The following ZFHX4 variants were observed in gnomAD, a reference collection of about 807,000 sequenced individuals.
ZFHX4 encodes the protein zinc finger homeobox protein 4.
Under a neutral mutation model 267.6 loss-of-function variants are expected in ZFHX4, and 56 were observed. The observed-to-expected ratio is 0.21, with a 90% CI of 0.17 to 0.26. The LOEUF (loss-of-function observed/expected upper bound fraction) is 0.26, where lower values mean the gene tolerates loss of function less well. ZFHX4 is among the 10% of genes least tolerant of loss of function. The pLI is 1.00. For missense variants in ZFHX4, 4,332 were observed against 4,420.0 expected (o/e 0.98, Z 0.56); for synonymous variants, 1,778 against 1,665.6 (o/e 1.07, Z -1.64).
intron 10 of ZFHX4, among the ~76,000 whole-genome samples, chr8:76,857,043 A>G (rs967798068): frequency 2.6e-5 from 4 of 152,118 alleles, no homozygotes; most frequent in Admixed American, 2.0e-4. Context: ...GGCATAACAA[A>G]TTTGTAAAGC....
At chr8:76,687,185 C>A (rs1807713403) in intron 1 of ZFHX4, among the ~76,000 whole-genome samples, 1 of 152,190 alleles carries the variant, frequency 6.6e-6, no homozygotes, top group Non-Finnish European at 1.5e-5. Flanking sequence ...AACTAGCTAT[C>A]TAATTTAACT....
At chr8:76,768,611 T>C (rs1810151795) in intron 3 of ZFHX4, among the ~76,000 whole-genome samples, 1 of 152,128 alleles carries the variant, frequency 6.6e-6, no homozygotes, top group Non-Finnish European at 1.5e-5. Flanking sequence ...TCAACAGTAA[T>C]GTGAAGGCAC....
chr8:76,724,822 A>C (rs17363588), intron 3 of ZFHX4, among the ~76,000 whole-genome samples: 3 of 152,094 alleles, frequency 2.0e-5, no homozygotes, highest in African/African-American at 7.2e-5. Context: ...AGGAGAGCCA[A>C]CTTCCACAGG....
intron 5 of ZFHX4, among the ~76,000 whole-genome samples, chr8:76,840,582 G>C (rs549196290): frequency 6.6e-6 from 1 of 152,158 alleles, no homozygotes; most frequent in African/African-American, 2.4e-5. Flanking sequence ...TTCTTCTCCT[G>C]ACACACAATG....
intron 4 of ZFHX4, among the ~76,000 whole-genome samples, chr8:76,818,080 G>A (rs1323616633): frequency 1.3e-5 from 2 of 152,128 alleles, no homozygotes; most frequent in African/African-American, 4.8e-5. Flanking sequence ...CATAAACCAG[G>A]TAAATTAGGA....
At chr8:76,792,657 G>T (rs1032868567) in intron 4 of ZFHX4, among the ~76,000 whole-genome samples, 3 of 152,142 alleles carry the variant, frequency 2.0e-5, no homozygotes, top group Non-Finnish European at 4.4e-5. Context: ...TCCAGGGAGT[G>T]CCTGATGCAG....
At chr8:76,831,574 A>G (rs1392358503) in intron 4 of ZFHX4, among the ~76,000 whole-genome samples, 1 of 152,196 alleles carries the variant, frequency 6.6e-6, no homozygotes, top group Non-Finnish European at 1.5e-5. Context: ...GTCTTAAGTG[A>G]CTGATGTCTT....
chr8:76,863,341 C>T lies in ZFHX4; in HGVS notation c.9627C>T (p.Ala3209=), dbSNP rs532058698. The part of the protein sequence containing the change: ...VKKIKEEELE[A]TKPEKHPKKE... The stretch of plus-strand genomic sequence containing the variant: ...AAATCAAAGAGGAGGAATTAGAGGC[C>T]ACCAAACCCGAAAAACACCCCAAAA... The change falls in exon 11 of 11, where the codon GCC becomes GCT. Residue 3209 remains alanine, a synonymous_variant. Coordinates refer to ENST00000651372, the MANE Select transcript of ZFHX4 (RefSeq NM_024721.5). 1 of 1,613,712 alleles carries T rather than the reference C, an allele frequency of 6.2e-7. No individual in the cohort carries two copies. The highest frequency in any genetic ancestry group is 1.3e-5 in the African/African-American group (1 of 74,990).
At chr8:76,784,445 G>A (rs541719632) in intron 4 of ZFHX4, among the ~76,000 whole-genome samples, 2 of 152,034 alleles carry the variant, frequency 1.3e-5, no homozygotes, top group African/African-American at 2.4e-5. Context: ...ATACAGAAAG[G>A]CAGTCATGTG....
intron 3 of ZFHX4, among the ~76,000 whole-genome samples, chr8:76,729,489 A>C (rs1013695743): frequency 3.9e-5 from 6 of 152,080 alleles, no homozygotes; most frequent in Non-Finnish European, 8.8e-5. Flanking sequence ...AAAATATCTA[A>C]TTTTCATGGT....
intron 4 of ZFHX4, among the ~76,000 whole-genome samples, chr8:76,785,566 G>T (rs944543984): frequency 3.9e-5 from 6 of 152,044 alleles, no homozygotes; most frequent in African/African-American, 1.2e-4. Context: ...TAATACAAAG[G>T]CTAAATTGTT....
At chr8:76,687,655 T>C (rs570328710) in intron 1 of ZFHX4, among the ~76,000 whole-genome samples, 22 of 152,338 alleles carry the variant, frequency 1.4e-4, no homozygotes, top group Middle Eastern at 3.4e-3. Flanking sequence ...TTTAAAATAA[T>C]GGATTCTTGT....
At chr8:76,841,786 G>T (rs1812240317) in intron 5 of ZFHX4, among the ~76,000 whole-genome samples, 1 of 152,106 alleles carries the variant, frequency 6.6e-6, no homozygotes, top group African/African-American at 2.4e-5. Flanking sequence ...TTGCGAGCCT[G>T]GTTATCTGGC....
At chr8:76,819,802 G>A (rs1811601337) in intron 4 of ZFHX4, among the ~76,000 whole-genome samples, 1 of 152,132 alleles carries the variant, frequency 6.6e-6, no homozygotes, top group South Asian at 2.1e-4. Context: ...ATATATATAA[G>A]AGATTCTTCC....
At chr8:76,779,676 A>T (rs1384247633) in intron 4 of ZFHX4, among the ~76,000 whole-genome samples, 1 of 152,146 alleles carries the variant, frequency 6.6e-6, no homozygotes, top group Non-Finnish European at 1.5e-5. Context: ...ACTTGAAACT[A>T]TAATTTTTAT....
rs1283766092 is a variant in ZFHX4 at position 76,864,754 on chromosome 8, AGAT to A, written c.*191_*193del. 2 of 441,202 alleles carry A rather than the reference AGAT, an allele frequency of 4.5e-6. No individual in the cohort carries two copies. Among genetic ancestry groups the A allele is most frequent in the Non-Finnish European group, 8.1e-6 (2 of 248,306 alleles). 27.3% of individuals were successfully genotyped at this position (441,202 alleles called of 1,614,324 possible). A position where few individuals can be genotyped will look rare whatever the true frequency, so the allele number is the denominator to read the frequency against. On this transcript the variant is annotated 3_prime_UTR_variant, in exon 11 of 11. Transcript: ENST00000651372. ...GGTATGTAATGGACAGAACTGATGC[AGAT>A]GGTTGAATGCGCTTGTACTATATGC...
chr8:76,810,576 T>C (rs1178001894), intron 4 of ZFHX4, among the ~76,000 whole-genome samples: 1 of 152,046 alleles, frequency 6.6e-6, no homozygotes, highest in Non-Finnish European at 1.5e-5. Context: ...GGAAAACTGT[T>C]TTCTGTCTAA....
intron 4 of ZFHX4, among the ~76,000 whole-genome samples, chr8:76,784,244 G>T: frequency 7.0e-6 from 1 of 142,346 alleles, no homozygotes; most frequent in Non-Finnish European, 1.6e-5. Context: ...TTTATTTTAT[G>T]TTTTTAGATG....
At chr8:76,733,858 G>A (rs922865597) in intron 3 of ZFHX4, among the ~76,000 whole-genome samples, 1 of 152,098 alleles carries the variant, frequency 6.6e-6, no homozygotes. Context: ...GATGCCAGAT[G>A]ATGTATCCAG....
Sources: gnomAD v4.1 joint callset for allele counts (sites outside exome capture counted in the v4.1 genomes callset) on GRCh38, gnomAD v4.1.1 for gene constraint, MANE v1.5 for transcripts, NCBI Gene and HGNC (gene_info 2026-07-23, HGNC 2026-07-21) for gene names.